CSNK1G1: variants seen among roughly 807,000 people sequenced by gnomAD.
CSNK1G1 encodes the protein casein kinase I isoform gamma-1.
A neutral mutation model predicts 59.6 loss-of-function variants in CSNK1G1; 22 were observed. That is an observed-to-expected ratio of 0.37 (90% CI 0.26 to 0.53). The LOEUF is 0.53. Ranked by LOEUF, CSNK1G1 falls within the 20% of genes least tolerant of loss-of-function variation. The pLI is 0.89. For synonymous variants in CSNK1G1, 179 were observed against 177.1 expected (o/e 1.01, Z -0.08); for missense variants, 384 against 519.5 (o/e 0.74, Z 2.54).
chr15:64,323,838 T>C (rs1896697064), intron 1 of CSNK1G1, among the ~76,000 whole-genome samples: 1 of 152,196 alleles, frequency 6.6e-6, no homozygotes. Context: ...AAGCCTCTCT[T>C]TTCCCAGCTG....
At chr15:64,331,105 G>A (rs1400362662) in intron 1 of CSNK1G1, among the ~76,000 whole-genome samples, 1 of 149,084 alleles carries the variant, frequency 6.7e-6, no homozygotes, top group Non-Finnish European at 1.5e-5. Flanking sequence ...TACTGCCCAA[G>A]GTAATTTACA....
At chr15:64,249,694 G>A (rs771237622) in intron 4 of CSNK1G1, among the ~76,000 whole-genome samples, 10 of 152,180 alleles carry the variant, frequency 6.6e-5, no homozygotes, top group Non-Finnish European at 1.3e-4. Context: ...AAAGCAATTT[G>A]TATAGTCACC....
At chr15:64,277,562 A>T (rs1171853073) in intron 2 of CSNK1G1, among the ~76,000 whole-genome samples, 2 of 133,262 alleles carry the variant, frequency 1.5e-5, no homozygotes, top group African/African-American at 2.7e-5. Context: ...AAATAATAAA[A>T]TTTAATATAA....
chr15:64,278,402 GTGTGTGTGTGTGTGTGTATA>G (rs1566930889), intron 2 of CSNK1G1, among the ~76,000 whole-genome samples: 4 of 129,638 alleles, frequency 3.1e-5, no homozygotes, highest in African/African-American at 1.3e-4. Context: ...GTGTGTGTGT[GTGTGTGTGTGTGTGTGTATA>G]TATATATATA....
chr15:64,221,991 G>A (rs1478438126), intron 4 of CSNK1G1, among the ~76,000 whole-genome samples: 21 of 152,016 alleles, frequency 1.4e-4, no homozygotes, highest in Admixed American at 5.3e-4. Context: ...GTTTACTGCA[G>A]CACTATTTAC....
intron 1 of CSNK1G1, chr15:64,348,468 A>G (rs1174849238): frequency 1.3e-5 from 2 of 152,204 alleles, no homozygotes; most frequent in Admixed American, 6.5e-5. Context: ...GAAATCTAAA[A>G]GTATTCAAAA....
Position 64,226,484 on chromosome 15 carries a change from A to G in CSNK1G1, c.293-9771T>C, listed in dbSNP as rs571470589. 2.0e-5 allele frequency among the ~76,000 whole-genome samples: 3 copies of G among 152,114 alleles called. No homozygotes were observed. The East Asian group carries it at 5.8e-4, about 29-fold the overall frequency. On this transcript the variant is annotated intron_variant, in intron 4 of 11. Transcript: ENST00000303052. ...GGCAGGGGAATCGCTTGAACCCAAG[A>G]GGTGGAGGCTGCAGTGAGCCAAGAT...
rs763427490 is a variant in CSNK1G1 at position 64,210,815 on chromosome 15, C to T, written c.679+3075G>A. Among the ~76,000 whole-genome samples, 12 of 152,118 alleles carry T rather than the reference C, an allele frequency of 7.9e-5. No individual in the cohort carries two copies. The highest frequency in any genetic ancestry group is 1.3e-4 in the Non-Finnish European group (9 of 68,026). Reference sequence around the variant, plus strand: ...CACGTTGAAATTTGATCCCAATGTTCGAAGCTGGGCCAAATGGAAGGTGTT... The same window carrying T: ...CACGTTGAAATTTGATCCCAATGTTTGAAGCTGGGCCAAATGGAAGGTGTT... On this transcript the variant is annotated intron_variant, in intron 6 of 11. Coordinates refer to ENST00000303052, the MANE Select transcript of CSNK1G1 (RefSeq NM_022048.5). The surrounding 1 kb of genome is among the most constrained non-coding windows in gnomAD (Gnocchi z 4.2).
chr15:64,214,594 C>T lies in CSNK1G1; in HGVS notation c.445-470G>A, dbSNP rs2082287140. ...CAACCCAGTTTTCGATGTTGTGAGG[C>T]CCAGAGAAGTTAATACTGGCCTGAC... is the stretch of plus-strand genomic sequence containing the variant. On this transcript the variant is annotated intron_variant, in intron 5 of 11. Transcript: ENST00000303052. This position sits in a 1 kb window ranked among gnomAD's most constrained non-coding sequence, Gnocchi z 4.3. Among the ~76,000 whole-genome samples the T allele has an allele frequency of 6.6e-6, 1 of 152,132 alleles. No individual in the cohort carries two copies. The highest frequency in any genetic ancestry group is 6.5e-5 in the Admixed American group (1 of 15,270).
chr15:64,201,271 C>CAAA (rs545719275), intron 10 of CSNK1G1, among the ~76,000 whole-genome samples: 1,909 of 64,872 alleles, frequency 0.029, 50 homozygotes, highest in African/African-American at 0.087. Context: ...GACACTGTCT[C>CAAA]AAAAAAAAAA....
intron 4 of CSNK1G1, among the ~76,000 whole-genome samples, chr15:64,251,028 G>T (rs927033544): frequency 3.9e-5 from 6 of 152,182 alleles, no homozygotes; most frequent in Non-Finnish European, 1.5e-5. Flanking sequence ...ATTGCCGAAG[G>T]TCATAGGTTA....
chr15:64,165,975 A>G lies in CSNK1G1; in HGVS notation c.*5956T>C. 1 of 661,206 alleles carries G rather than the reference A, an allele frequency of 1.5e-6. No homozygotes were observed. Among genetic ancestry groups the G allele is most frequent in the East Asian group, 2.8e-5 (1 of 35,924 alleles). 41.0% of individuals were successfully genotyped at this position (661,206 alleles called of 1,614,324 possible). On this transcript the variant is annotated 3_prime_UTR_variant, in exon 12 of 12. Transcript: ENST00000303052. ...CACAAATATCTCTCCTGGAGGAACC[A>G]TTTCAAATACACTTGAAATTGACAT... is the stretch of plus-strand genomic sequence containing the variant.
rs1567349763 is a variant in CSNK1G1, at chr15:64,166,051, C to T, written c.*5880G>A. The T allele has an allele frequency of 3.0e-6, 2 of 674,264 alleles. No individual in the cohort carries two copies. Among genetic ancestry groups the T allele is most frequent in the East Asian group, 2.8e-5 (1 of 36,106 alleles). The allele number at this position is 674,264 out of a possible 1,614,324, so 41.8% of individuals were successfully genotyped here. ...CATTTTCACAGCTGAGCTTTGTGACCAGTGCCAGGGTTTATGAAACATTAT... is the reference window on the plus strand; with the variant it reads ...CATTTTCACAGCTGAGCTTTGTGACTAGTGCCAGGGTTTATGAAACATTAT... On this transcript the variant is annotated 3_prime_UTR_variant, in exon 12 of 12. Transcript: ENST00000303052. The surrounding 1 kb of genome is among the most constrained non-coding windows in gnomAD (Gnocchi z 4.5).
chr15:64,276,312 T>C (rs925372489), intron 2 of CSNK1G1, among the ~76,000 whole-genome samples: 14 of 152,182 alleles, frequency 9.2e-5, no homozygotes, highest in Admixed American at 3.3e-4. Flanking sequence ...AGCAGAGAAA[T>C]ACCAAAGTAT....
intron 1 of CSNK1G1, among the ~76,000 whole-genome samples, chr15:64,344,293 C>T (rs956816509): frequency 2.0e-5 from 3 of 152,152 alleles, no homozygotes; most frequent in Non-Finnish European, 2.9e-5. Context: ...TCACCAGATG[C>T]ATATTAAATT....
Position 64,204,913 on chromosome 15 carries a change from C to T in CSNK1G1, c.802G>A (p.Asp268Asn), listed in dbSNP as rs372371639. 4.3e-6 allele frequency: 7 copies of T among 1,611,814 alleles called. No individual in the cohort carries two copies. In the African/African-American group the frequency reaches 8.0e-5, roughly 18 times the overall value. Residue 268 changes from aspartate (D) to asparagine (N), a missense_variant, in exon 8 of 12, where the codon GAC (aspartate) becomes AAC (asparagine). By Grantham distance (23) the Asp-to-Asn change is conservative (BLOSUM62 1). Around this residue, in one of 3 missense-constraint regions of CSNK1G1, gnomAD observed 325 missense variants for 440.9 expected, o/e 0.74. Coordinates refer to ENST00000303052, the MANE Select transcript of CSNK1G1 (RefSeq NM_022048.5). ...TLKERYQKIGDTKRNTPIEAL... is the reference protein window; with the variant it reads ...TLKERYQKIGNTKRNTPIEAL... ...TCAATGGGAGTATTCCTTTTGGTGT[C>T]ACCAATTTTTTGATATCTCTCTTTT... is the stretch of plus-strand genomic sequence containing the variant.
chr15:64,327,206 C>T (rs1896895132), intron 1 of CSNK1G1, among the ~76,000 whole-genome samples: 1 of 152,238 alleles, frequency 6.6e-6, no homozygotes, highest in Non-Finnish European at 1.5e-5. Flanking sequence ...TCTTTAGGCT[C>T]CACCTCTGGG....
chr15:64,209,642 A>G (rs1453079893), intron 6 of CSNK1G1, among the ~76,000 whole-genome samples: 6 of 152,198 alleles, frequency 3.9e-5, no homozygotes, highest in Non-Finnish European at 8.8e-5. Context: ...TTGCAATAAA[A>G]TATTCATAAT....
chr15:64,190,704 G>A (rs1304222662), intron 10 of CSNK1G1, among the ~76,000 whole-genome samples: 2 of 152,040 alleles, frequency 1.3e-5, no homozygotes, highest in Admixed American at 6.6e-5. Context: ...GTGAGCCACC[G>A]TGCCGGCCAT....
Sources: allele counts gnomAD v4.1 joint callset (sites outside exome capture counted in the v4.1 genomes callset), GRCh38; gene constraint gnomAD v4.1.1; regional missense constraint gnomAD v4.1.1; non-coding constraint Gnocchi (gnomAD v3.1); transcripts MANE v1.5; gene names NCBI Gene and HGNC (gene_info 2026-07-23, HGNC 2026-07-21).